The following KHDRBS2 variants were observed in gnomAD, a reference collection of about 807,000 sequenced individuals.
KHDRBS2 encodes KH domain-containing, RNA-binding, signal transduction-associated protein 2.
KHDRBS2 carries 26 observed loss-of-function variants against 44.3 expected under a neutral mutation model. The ratio of observed to expected loss-of-function variants is 0.59; its 90% CI spans 0.43 to 0.81. KHDRBS2 has a LOEUF of 0.81. KHDRBS2 is among the 40% of genes least tolerant of loss of function. KHDRBS2 has a pLI of 0.00. For synonymous variants in KHDRBS2, 194 were observed against 151.1 expected (o/e 1.28, Z -2.08); for missense variants, 476 against 433.1 (o/e 1.10, Z -0.88).
chr6:62,230,504 T>C (rs1490346739), intron 1 of KHDRBS2, among the ~76,000 whole-genome samples: 1 of 152,206 alleles, frequency 6.6e-6, no homozygotes, highest in African/African-American at 2.4e-5. Flanking sequence ...TATAGCAATA[T>C]AAATAATGGT....
At chr6:61,734,293 G>A (rs1774970620) in intron 6 of KHDRBS2, among the ~76,000 whole-genome samples, 1 of 151,904 alleles carries the variant, frequency 6.6e-6, no homozygotes, top group Non-Finnish European at 1.5e-5. Context: ...GTTAAATTTT[G>A]TTCAATGTTC....
chr6:62,209,857 T>C (rs1460888366), intron 1 of KHDRBS2, among the ~76,000 whole-genome samples: 1 of 152,174 alleles, frequency 6.6e-6, no homozygotes, highest in Non-Finnish European at 1.5e-5. Context: ...TTTTGGACTC[T>C]TGAATTCACA....
the KHDRBS2 span, among the ~76,000 whole-genome samples, chr6:61,598,974 C>G: frequency 2.0e-5 from 3 of 151,794 alleles, no homozygotes; most frequent in South Asian, 6.3e-4. Context: ...CAAACTGTCA[C>G]CCAGGCTGAA....
chr6:61,722,371 T>G (rs1236090777), intron 7 of KHDRBS2, among the ~76,000 whole-genome samples: 2 of 152,142 alleles, frequency 1.3e-5, no homozygotes, highest in Admixed American at 1.3e-4. Flanking sequence ...TAATTAAAAT[T>G]GTTATAGCTG....
At chr6:62,223,896 A>T (rs776649015) in intron 1 of KHDRBS2, among the ~76,000 whole-genome samples, 8 of 152,122 alleles carry the variant, frequency 5.3e-5, no homozygotes, top group Non-Finnish European at 1.2e-4. Flanking sequence ...CTATTCAACA[A>T]GTCTCTAGGA....
intron 6 of KHDRBS2, among the ~76,000 whole-genome samples, chr6:61,852,986 G>A (rs1795673551): frequency 6.6e-6 from 1 of 152,150 alleles, no homozygotes; most frequent in Non-Finnish European, 1.5e-5. Flanking sequence ...CTATGGCCCT[G>A]TTTCCTCCAT....
intron 4 of KHDRBS2, among the ~76,000 whole-genome samples, chr6:61,976,480 T>C (rs1318319073): frequency 6.6e-6 from 1 of 152,146 alleles, no homozygotes; most frequent in Non-Finnish European, 1.5e-5. Flanking sequence ...TATATACATA[T>C]GTGTGTAGAT....
chr6:61,767,021 CTGAA>C (rs1024070174), intron 6 of KHDRBS2, among the ~76,000 whole-genome samples: 1 of 151,978 alleles, frequency 6.6e-6, no homozygotes, highest in Admixed American at 6.6e-5. Flanking sequence ...GATTTTCTGT[CTGAA>C]TGATCTGTCC....
At chr6:62,176,855 G>A (rs1821198182) in intron 2 of KHDRBS2, among the ~76,000 whole-genome samples, 1 of 151,096 alleles carries the variant, frequency 6.6e-6, no homozygotes, top group Non-Finnish European at 1.5e-5. Flanking sequence ...TTATAGTAAG[G>A]ATATACATTT....
chr6:61,851,364 G>A lies in KHDRBS2; in HGVS notation c.810+43271C>T, dbSNP rs561361793. 3.3e-5 allele frequency among the ~76,000 whole-genome samples: 5 copies of A among 152,032 alleles called. No individual in the cohort carries two copies. The East Asian group carries it at 9.7e-4, about 29-fold the overall frequency. Reference sequence around the variant, plus strand: ...ACATAAATTCAGGCTTTTGGCATCTGTATGTTGTTTGGGACTGAACTGTGT... The same window carrying A: ...ACATAAATTCAGGCTTTTGGCATCTATATGTTGTTTGGGACTGAACTGTGT... On this transcript the variant is annotated intron_variant, in intron 6 of 8. Transcript: ENST00000281156.
chr6:61,556,872 ATTTTTTTTTTTTT>A, the KHDRBS2 span, among the ~76,000 whole-genome samples: 223 of 87,496 alleles, frequency 2.5e-3, 1 homozygote, highest in Admixed American at 5.1e-3. Flanking sequence ...TGAAATTGAG[ATTTTTTTTTTTTT>A]TTTTTTTTTT....
rs1803951674 is a variant in KHDRBS2, at chr6:61,901,229, T to A, written c.611+15A>T. The A allele has an allele frequency of 6.2e-7, 1 of 1,604,004 alleles. No individual in the cohort carries two copies. The highest frequency in any genetic ancestry group is 1.1e-5 in the South Asian group (1 of 88,754). ...GCCATCATCCTTAATTTATTTAAAG[T>A]AAGAATGAATGTACCTTGAAGGAGC... On this transcript the variant is annotated intron_variant, in intron 5 of 8. Transcript: ENST00000281156.
At chr6:61,573,830 G>T in the KHDRBS2 span, among the ~76,000 whole-genome samples, 2 of 150,866 alleles carry the variant, frequency 1.3e-5, no homozygotes, top group Non-Finnish European at 2.9e-5. Context: ...AGCCTGCATA[G>T]CCAAAGCAAG....
At chr6:61,594,710 A>G in the KHDRBS2 span, among the ~76,000 whole-genome samples, 5 of 152,246 alleles carry the variant, frequency 3.3e-5, no homozygotes, top group South Asian at 6.2e-4. Flanking sequence ...TGCTTCCCAT[A>G]TAACTTAACA....
intron 3 of KHDRBS2, among the ~76,000 whole-genome samples, chr6:61,994,407 C>A (rs571594462): frequency 6.6e-6 from 1 of 152,172 alleles, no homozygotes; most frequent in Non-Finnish European, 1.5e-5. Context: ...TCTTAAGAAT[C>A]CTCTACCATT....
At chr6:61,822,258 C>A (rs1790036328) in intron 6 of KHDRBS2, among the ~76,000 whole-genome samples, 1 of 151,956 alleles carries the variant, frequency 6.6e-6, no homozygotes. Context: ...ATTGTTTCTT[C>A]ATCCTACTGT....
chr6:62,242,816 G>T (rs1834908098), intron 1 of KHDRBS2, among the ~76,000 whole-genome samples: 1 of 152,050 alleles, frequency 6.6e-6, no homozygotes, highest in South Asian at 2.1e-4. Context: ...AAAGACATCT[G>T]CCCTTATGGC....
chr6:61,732,562 G>A (rs78371686), intron 7 of KHDRBS2, 120 bp downstream of exon 7: 11,065 of 675,350 alleles, frequency 0.016, 108 homozygotes, highest in Non-Finnish European at 0.02. Flanking sequence ...AATTCAGAAA[G>A]ATAATGGAGA....
At chr6:62,108,606 C>T (rs1804149479) in intron 2 of KHDRBS2, among the ~76,000 whole-genome samples, 2 of 152,066 alleles carry the variant, frequency 1.3e-5, no homozygotes, top group Admixed American at 6.5e-5. Context: ...GGTATATACC[C>T]AAAGGACTAT....
Sources: gnomAD v4.1 joint callset for allele counts (sites outside exome capture counted in the v4.1 genomes callset) on GRCh38, gnomAD v4.1.1 for gene constraint, MANE v1.5 for transcripts, NCBI Gene and HGNC (gene_info 2026-07-23, HGNC 2026-07-21) for gene names.